The following SLC17A1 variants were observed in gnomAD, a reference collection of about 807,000 sequenced individuals.
The protein encoded by SLC17A1 is sodium-dependent phosphate transport protein 1.
A neutral mutation model predicts 53.5 loss-of-function variants in SLC17A1; 51 were observed. The ratio of observed to expected loss-of-function variants is 0.95; its 90% CI spans 0.76 to 1.20. The LOEUF (loss-of-function observed/expected upper bound fraction) is 1.20. SLC17A1 is among the 50% of genes most tolerant of loss of function. The pLI, the probability that SLC17A1 is intolerant of heterozygous loss-of-function variation, is 0.00. For missense variants in SLC17A1, 538 were observed against 568.2 expected, an observed-to-expected ratio of 0.95 and a Z score of 0.54; for synonymous variants, 179 against 198.8, an observed-to-expected ratio of 0.90 and a Z score of 0.84.
At chr6:25,726,409 T>G in the SLC17A1 span, 60 of 1,613,988 alleles carry the variant, frequency 3.7e-5, no homozygotes, top group Non-Finnish European at 4.9e-5. Context: ...CCGCTCTGCA[T>G]AGTTTCCCTT....
the SLC17A1 span, among the ~76,000 whole-genome samples, chr6:25,745,134 T>C: frequency 2.6e-5 from 4 of 152,188 alleles, no homozygotes; most frequent in African/African-American, 7.2e-5. Context: ...TTTGTGACAC[T>C]ATTGTTGGCA....
chr6:25,815,811 T>C (rs1284502845), intron 6 of SLC17A1, among the ~76,000 whole-genome samples: 1 of 151,950 alleles, frequency 6.6e-6, no homozygotes, highest in Admixed American at 6.6e-5. Context: ...TCTACTTCTG[T>C]CCATGTAAGT....
the SLC17A1 span, among the ~76,000 whole-genome samples, chr6:25,728,869 C>T: frequency 6.6e-6 from 1 of 152,140 alleles, no homozygotes; most frequent in African/African-American, 2.4e-5. Context: ...AATAAGTGCC[C>T]CCACACTTTT....
At chr6:25,729,718 T>C in the SLC17A1 span, among the ~76,000 whole-genome samples, 2 of 151,284 alleles carry the variant, frequency 1.3e-5, no homozygotes. Flanking sequence ...TTTTGTTATA[T>C]ATGTAAGACT....
intron 6 of SLC17A1, among the ~76,000 whole-genome samples, chr6:25,814,977 ACT>A (rs1764287184): frequency 7.4e-6 from 1 of 135,970 alleles, no homozygotes; most frequent in African/African-American, 3.1e-5. Flanking sequence ...CAAAAGCAAG[ACT>A]CTGTCACACA....
At chr6:25,754,548 G>T in the SLC17A1 span, among the ~76,000 whole-genome samples, 1 of 152,170 alleles carries the variant, frequency 6.6e-6, no homozygotes, top group Non-Finnish European at 1.5e-5. Flanking sequence ...AGACATAGGT[G>T]ACCTCAGCTG....
At chr6:25,791,793 C>T (rs1183504192) in intron 12 of SLC17A1, among the ~76,000 whole-genome samples, 1 of 152,212 alleles carries the variant, frequency 6.6e-6, no homozygotes, top group Non-Finnish European at 1.5e-5. Context: ...TCTTTCCTGC[C>T]CATTGCCCAT....
chr6:25,744,271 A>G, the SLC17A1 span, among the ~76,000 whole-genome samples: 1 of 152,194 alleles, frequency 6.6e-6, no homozygotes, highest in African/African-American at 2.4e-5. Context: ...TGTGTGAGTA[A>G]TCAAGAAACT....
At chr6:25,831,936 C>A (rs184310827) in intron 1 of SLC17A1, 58 bp downstream of exon 1, 2 of 152,172 alleles carry the variant, frequency 1.3e-5, no homozygotes, top group Non-Finnish European at 2.9e-5. Flanking sequence ...TGCCCCCTTA[C>A]GGCCCTCTGG....
chr6:25,744,243 A>T, the SLC17A1 span, among the ~76,000 whole-genome samples: 1 of 152,340 alleles, frequency 6.6e-6, no homozygotes, highest in Admixed American at 6.5e-5. Flanking sequence ...TTCTGAGTAC[A>T]GGAGTGAAAT....
intron 3 of SLC17A1, among the ~76,000 whole-genome samples, chr6:25,825,252 T>A (rs1292739283): frequency 1.3e-5 from 2 of 152,006 alleles, no homozygotes; most frequent in East Asian, 3.9e-4. Flanking sequence ...AAATCTACCA[T>A]CTTTTAACTT....
At chr6:25,756,493 T>G in the SLC17A1 span, among the ~76,000 whole-genome samples, 1 of 152,186 alleles carries the variant, frequency 6.6e-6, no homozygotes, top group Non-Finnish European at 1.5e-5. Flanking sequence ...GCATTCTTAC[T>G]TCTTTCTTTT....
At chr6:25,795,554 G>A (rs977020559) in intron 12 of SLC17A1, among the ~76,000 whole-genome samples, 1 of 152,106 alleles carries the variant, frequency 6.6e-6, no homozygotes, top group African/African-American at 2.4e-5. Flanking sequence ...GCTAGAAAAT[G>A]AAGTATATTT....
rs1384221496 is a variant in SLC17A1 at position 25,783,001 on chromosome 6, C to T, written c.*220G>A. 5 of 152,098 alleles carry T rather than the reference C, an allele frequency of 3.3e-5. No homozygotes were observed. Among genetic ancestry groups the T allele is most frequent in the Non-Finnish European group, 7.4e-5 (5 of 68,026 alleles). 9.4% of individuals were successfully genotyped at this position (152,098 alleles called of 1,614,324 possible). ...AGAGGAAGACTGAGATAAATCACCA[C>T]CCCCATTTAAAATTCAGATATATTA... On this transcript the variant is annotated 3_prime_UTR_variant, in exon 13 of 13. Transcript: ENST00000244527.
intron 2 of SLC17A1, among the ~76,000 whole-genome samples, chr6:25,829,195 A>T (rs1764858551): frequency 6.6e-6 from 1 of 152,088 alleles, no homozygotes; most frequent in African/African-American, 2.4e-5. Flanking sequence ...TGGGGACAAC[A>T]GGAATCAAAT....
the SLC17A1 span, among the ~76,000 whole-genome samples, chr6:25,735,813 G>C: frequency 6.6e-6 from 1 of 152,114 alleles, no homozygotes; most frequent in African/African-American, 2.4e-5. Flanking sequence ...TGATGAAAAT[G>C]GTCAATCAGG....
At position 25,811,529 on chromosome 6, in the gene SLC17A1, T is replaced by C; in HGVS notation, c.1047A>G (p.Ala349=). The change falls in exon 10 of 13, where the codon GCA becomes GCG. Residue 349 remains alanine (A), a synonymous_variant. Coordinates refer to ENST00000244527, the MANE Select transcript of SLC17A1 (RefSeq NM_005074.5). ...LFTAAGFLLP[A]IFGVCLPYLS... is the part of the protein sequence containing the mutation. ...GGTAAGGCAGGCAGACACCAAAGATTGCAGGAAGGAGAAATCCTGGGGAGT... is the reference window on the plus strand; with the variant it reads ...GGTAAGGCAGGCAGACACCAAAGATCGCAGGAAGGAGAAATCCTGGGGAGT... 6.2e-7 allele frequency: 1 copy of C among 1,613,820 alleles called. No homozygotes were observed.
chr6:25,791,723 G>A (rs1435131035), intron 12 of SLC17A1, among the ~76,000 whole-genome samples: 1 of 152,188 alleles, frequency 6.6e-6, no homozygotes, highest in East Asian at 1.9e-4. Flanking sequence ...GCTTTAAGTG[G>A]TTAACACAGA....
the SLC17A1 span, among the ~76,000 whole-genome samples, chr6:25,757,408 T>C: frequency 1.3e-5 from 2 of 152,164 alleles, no homozygotes; most frequent in African/African-American, 4.8e-5. Context: ...CTTGGTGCTG[T>C]AACTTCTCTG....
Sources: allele counts gnomAD v4.1 joint callset (sites outside exome capture counted in the v4.1 genomes callset), GRCh38; gene constraint gnomAD v4.1.1; transcripts MANE v1.5; gene names NCBI Gene and HGNC (gene_info 2026-07-23, HGNC 2026-07-21).